DDX6: variants seen among roughly 807,000 people sequenced by gnomAD.
The protein encoded by DDX6 is probable ATP-dependent RNA helicase DDX6.
Under a neutral mutation model 60.6 loss-of-function variants are expected in DDX6, and 7 were observed. The observed-to-expected ratio is 0.12, with a 90% confidence interval of 0.07 to 0.22. The LOEUF is 0.22. DDX6 is among the 10% of genes least tolerant of loss of function. The probability of loss-of-function intolerance (pLI) is 1.00; values close to 1 mark genes in which losing one functional copy is unlikely to be tolerated. For synonymous variants in DDX6, 207 were observed against 201.0 expected, an observed-to-expected ratio of 1.03 and a Z score of -0.25; for missense variants, 270 against 589.9, an observed-to-expected ratio of 0.46 and a Z score of 5.62.
chr11:118,759,015 A>T, intron 8 of DDX6, 113 bp from the exon 9 acceptor site: 1 of 1,375,312 alleles, frequency 7.3e-7, no homozygotes, highest in East Asian at 2.4e-5. Context: ...GCTGTAAGGG[A>T]CGCAACTCTC....
At chr11:118,785,601 A>C (rs955287547) in intron 2 of DDX6, among the ~76,000 whole-genome samples, 2 of 152,002 alleles carry the variant, frequency 1.3e-5, no homozygotes, top group Non-Finnish European at 1.5e-5. Flanking sequence ...GGAGTTCAGA[A>C]GGCTGGGCAA....
intron 5 of DDX6, among the ~76,000 whole-genome samples, chr11:118,765,985 C>T (rs777275199): frequency 6.6e-6 from 1 of 151,868 alleles, no homozygotes; most frequent in Non-Finnish European, 1.5e-5. Context: ...GCAGAAGAAT[C>T]GCTTGAACCC....
intron 4 of DDX6, among the ~76,000 whole-genome samples, chr11:118,772,715 C>T (rs1262330243): frequency 2.0e-5 from 3 of 152,180 alleles, no homozygotes; most frequent in Non-Finnish European, 2.9e-5. Context: ...TGACATCTGC[C>T]ACCTTAGGTC....
rs1366031162 is a variant in DDX6 at position 118,751,769 on chromosome 11, GTTCA to G, written c.*332_*335del. On this transcript the variant is annotated 3_prime_UTR_variant, in exon 14 of 14. Transcript: ENST00000534980. ...TTTGAAATCATTGACAAGCTTGTGTGTTCATTAAGATTCTTCTCTTTTTAGGGTT... is the reference window on the plus strand; with the variant it reads ...TTTGAAATCATTGACAAGCTTGTGTGTTAAGATTCTTCTCTTTTTAGGGTT... 5 of 337,568 alleles carry G rather than the reference GTTCA, an allele frequency of 1.5e-5. No homozygotes were observed. The highest frequency in any genetic ancestry group is 6.9e-5 in the South Asian group (3 of 43,650). 20.9% of individuals were successfully genotyped at this position (337,568 alleles called of 1,614,324 possible). A position where few individuals can be genotyped will look rare whatever the true frequency, so the allele number is the denominator to read the frequency against.
rs1169205584 is a variant in DDX6 at position 118,748,095 on chromosome 11, T to C, written c.*4010A>G. Reference sequence around the variant, plus strand: ...TTTTTTCCTGTTTCAAAAAAGGGAATAGTGACTTTGTTTTCTCCAGGCTCC... The same window carrying C: ...TTTTTTCCTGTTTCAAAAAAGGGAACAGTGACTTTGTTTTCTCCAGGCTCC... On this transcript the variant is annotated 3_prime_UTR_variant, in exon 14 of 14. Transcript: ENST00000534980. 1 of 152,150 alleles carries C rather than the reference T, an allele frequency of 6.6e-6. No individual in the cohort carries two copies. The allele number at this position is 152,150 out of a possible 1,614,324, so 9.4% of individuals were successfully genotyped here.
At chr11:118,759,804 CA>C in intron 8 of DDX6, 117 bp downstream of exon 8, 1 of 1,172,006 alleles carries the variant, frequency 8.5e-7, no homozygotes, top group Non-Finnish European at 1.1e-6. Flanking sequence ...AAGAAAGAGC[CA>C]AAGGCTTGAA....
At chr11:118,764,587 G>C (rs1861285873) in intron 6 of DDX6, among the ~76,000 whole-genome samples, 1 of 151,898 alleles carries the variant, frequency 6.6e-6, no homozygotes, top group Non-Finnish European at 1.5e-5. Flanking sequence ...GGTGGATCAC[G>C]AGGTCAGGAG....
At chr11:118,762,200 G>A (rs147484894) in intron 7 of DDX6, among the ~76,000 whole-genome samples, 1,863 of 151,620 alleles carry the variant, frequency 0.012, 33 homozygotes, top group African/African-American at 0.043. Context: ...CACTTGAAGC[G>A]GGGAGGCAGA....
chr11:118,786,421 T>C lies in DDX6; in HGVS notation c.-170A>G, dbSNP rs1317489209. On this transcript the variant is annotated 5_prime_UTR_variant, in exon 2 of 14. Transcript: ENST00000534980. ...CAAGCACCTGTAAGTCTCTGAACGG[T>C]AAGCAGCAGTAACTTGCTCTCTTGC... 4.2e-6 allele frequency: 2 copies of C among 479,390 alleles called. No homozygotes were observed. The highest frequency in any genetic ancestry group is 7.2e-6 in the Non-Finnish European group (2 of 278,864). 29.7% of individuals were successfully genotyped at this position (479,390 alleles called of 1,614,324 possible).
intron 4 of DDX6, among the ~76,000 whole-genome samples, chr11:118,769,930 G>C (rs1327866402): frequency 6.6e-6 from 1 of 151,898 alleles, no homozygotes; most frequent in Non-Finnish European, 1.5e-5. Context: ...GGATGGTGTT[G>C]ATCTCCTGAC....
intron 6 of DDX6, 103 bp downstream of exon 6, chr11:118,765,106 A>G (rs1861306666): frequency 7.2e-7 from 1 of 1,387,676 alleles, no homozygotes; most frequent in South Asian, 1.3e-5. Flanking sequence ...TTACTGCAGT[A>G]TTTCTGTTCC....
chr11:118,754,404 CAAAA>C (rs1565559228), intron 13 of DDX6, among the ~76,000 whole-genome samples: 1 of 152,162 alleles, frequency 6.6e-6, no homozygotes, highest in Non-Finnish European at 1.5e-5. Flanking sequence ...GACCTTGTCT[CAAAA>C]AGAAAAACAA....
intron 2 of DDX6, among the ~76,000 whole-genome samples, chr11:118,782,030 C>T (rs919435847): frequency 1.3e-4 from 20 of 150,722 alleles, no homozygotes; most frequent in African/African-American, 4.4e-4. Context: ...CTGGCCAATA[C>T]GGTGAAACCC....
chr11:118,781,245 C>A, intron 2 of DDX6, 61 bp from the exon 3 acceptor site: 3 of 1,031,858 alleles, frequency 2.9e-6, no homozygotes, highest in South Asian at 1.5e-5. Context: ...AAAGATGATT[C>A]ATCTCAATTA....
chr11:118,752,419 A>C (rs1401244150), intron 13 of DDX6, among the ~76,000 whole-genome samples: 1 of 152,118 alleles, frequency 6.6e-6, no homozygotes, highest in Non-Finnish European at 1.5e-5. Context: ...CTTGTCCAAG[A>C]GTTTGTGTTT....
chr11:118,785,973 A>C (rs576986348), intron 2 of DDX6, 79 bp downstream of exon 2: 1 of 1,336,428 alleles, frequency 7.5e-7, no homozygotes, highest in South Asian at 1.5e-5. Flanking sequence ...TTAAGGCATA[A>C]GTATTAATAG....
At chr11:118,791,286 C>T (rs1247093561), upstream of DDX6, 1 of 151,988 alleles carries the variant, frequency 6.6e-6, no homozygotes, top group Non-Finnish European at 1.5e-5. Flanking sequence ...GCCGCCGCGG[C>T]TATATTCGCC....
chr11:118,781,464 C>T (rs1555164693), intron 2 of DDX6, among the ~76,000 whole-genome samples: 2 of 152,170 alleles, frequency 1.3e-5, no homozygotes, highest in African/African-American at 4.8e-5. Context: ...TTGACCTACA[C>T]AGCATGTGTT....
chr11:118,784,404 T>C (rs1182588034), intron 2 of DDX6, among the ~76,000 whole-genome samples: 4 of 151,992 alleles, frequency 2.6e-5, no homozygotes, highest in Non-Finnish European at 5.9e-5. Flanking sequence ...CTCAGTTCAG[T>C]AACCCAGTGT....
Sources: gnomAD v4.1 joint callset for allele counts (sites outside exome capture counted in the v4.1 genomes callset) on GRCh38, gnomAD v4.1.1 for gene constraint, MANE v1.5 for transcripts, NCBI Gene and HGNC (gene_info 2026-07-23, HGNC 2026-07-21) for gene names.